Variants in MAF observed in about 807,000 individuals in gnomAD.
The protein encoded by MAF is MAF bZIP transcription factor, also known as transcription factor Maf.
A neutral mutation model predicts 22.0 loss-of-function variants in MAF; 10 were observed. The observed-to-expected ratio is 0.45, with a 90% CI of 0.28 to 0.77. The LOEUF is 0.77. Among genes scored for constraint, MAF ranks in the 30% least tolerant of loss-of-function variants. The pLI, the probability that MAF is intolerant of heterozygous loss-of-function variation, is 0.12. For missense variants in MAF, 544 were observed against 548.4 expected (o/e 0.99, Z 0.08); for synonymous variants, 337 against 255.8 (o/e 1.32, Z -3.03).
chr16:79,267,027 T>C, the MAF span, among the ~76,000 whole-genome samples: 1 of 152,250 alleles, frequency 6.6e-6, no homozygotes, highest in Non-Finnish European at 1.5e-5. Context: ...AGTTATTTAC[T>C]AGTCTGTCTC....
At chr16:79,541,866 G>GT in the MAF span, among the ~76,000 whole-genome samples, 1 of 151,940 alleles carries the variant, frequency 6.6e-6, no homozygotes, top group Non-Finnish European at 1.5e-5. Flanking sequence ...ATGTTGGCCA[G>GT]ACTGGCCTTG....
At chr16:79,481,888 A>C in the MAF span, among the ~76,000 whole-genome samples, 4 of 152,332 alleles carry the variant, frequency 2.6e-5, no homozygotes, top group East Asian at 7.7e-4. Flanking sequence ...CTTCAACAGC[A>C]CATAAGAAAG....
the MAF span, among the ~76,000 whole-genome samples, chr16:79,546,351 G>A: frequency 6.6e-6 from 1 of 152,000 alleles, no homozygotes; most frequent in Non-Finnish European, 1.5e-5. Context: ...ACTAGTTTTA[G>A]GGAATAAACT....
the MAF span, among the ~76,000 whole-genome samples, chr16:79,397,933 C>T: frequency 1.3e-5 from 2 of 152,190 alleles, no homozygotes; most frequent in African/African-American, 4.8e-5. Flanking sequence ...TTTTCTATTG[C>T]TGCTGTGATA....
At chr16:79,589,368 T>C (rs1913050482), downstream of MAF, among the ~76,000 whole-genome samples, 2 of 152,242 alleles carry the variant, frequency 1.3e-5, no homozygotes, top group South Asian at 4.1e-4. Flanking sequence ...TGCATCAAAC[T>C]ACACCACGGA....
the MAF span, among the ~76,000 whole-genome samples, chr16:79,284,198 C>T: frequency 1.3e-5 from 2 of 152,180 alleles, no homozygotes; most frequent in African/African-American, 4.8e-5. Flanking sequence ...CAAGCTATGG[C>T]AAACCACCTC....
At chr16:79,210,808 A>T in the MAF span, among the ~76,000 whole-genome samples, 2 of 152,128 alleles carry the variant, frequency 1.3e-5, no homozygotes, top group Non-Finnish European at 2.9e-5. Context: ...TCATCACTGC[A>T]CACGTCCCTA....
chr16:79,466,064 G>A, the MAF span, among the ~76,000 whole-genome samples: 17 of 152,220 alleles, frequency 1.1e-4, no homozygotes, highest in Non-Finnish European at 2.1e-4. Context: ...TTCAAGCTTA[G>A]AAGATAAAGT....
chr16:79,579,174 T>C, the MAF span, among the ~76,000 whole-genome samples: 1 of 152,188 alleles, frequency 6.6e-6, no homozygotes, highest in African/African-American at 2.4e-5. Context: ...TCTGACTCTT[T>C]GATGCAAAAA....
At chr16:79,423,854 A>G in the MAF span, among the ~76,000 whole-genome samples, 4 of 152,202 alleles carry the variant, frequency 2.6e-5, no homozygotes, top group Non-Finnish European at 5.9e-5. Context: ...ATATTCAATC[A>G]AAAATTAAAT....
the MAF span, among the ~76,000 whole-genome samples, chr16:79,467,411 G>C: frequency 1.3e-5 from 2 of 152,184 alleles, no homozygotes; most frequent in Non-Finnish European, 2.9e-5. Flanking sequence ...TGTATATCAG[G>C]TACTGTGCTG....
chr16:79,594,890 T>G (rs1443246157), intron 1 of MAF: 1 of 1,205,200 alleles, frequency 8.3e-7, no homozygotes, highest in African/African-American at 1.5e-5. Context: ...CCAAACCTGC[T>G]TATTATATTC....
chr16:79,533,329 C>T, the MAF span, among the ~76,000 whole-genome samples: 4 of 152,130 alleles, frequency 2.6e-5, no homozygotes, highest in African/African-American at 9.7e-5. Context: ...AAGAGGTTTC[C>T]ACCCACCCCA....
At chr16:79,387,179 C>G in the MAF span, among the ~76,000 whole-genome samples, 9 of 152,206 alleles carry the variant, frequency 5.9e-5, no homozygotes, top group African/African-American at 2.2e-4. Context: ...AGAACGCTCT[C>G]TCTTTTCTAT....
the MAF span, among the ~76,000 whole-genome samples, chr16:79,575,639 G>A: frequency 6.6e-6 from 1 of 152,196 alleles, no homozygotes; most frequent in South Asian, 2.1e-4. Context: ...AGGCCTGCCT[G>A]CTTTCTGGAG....
chr16:79,394,016 G>T, the MAF span, among the ~76,000 whole-genome samples: 1 of 152,160 alleles, frequency 6.6e-6, no homozygotes, highest in East Asian at 1.9e-4. Flanking sequence ...GTTTTGCAAA[G>T]CACCCTATTT....
At chr16:79,515,935 T>C in the MAF span, 1 of 150,618 alleles carries the variant, frequency 6.6e-6, no homozygotes, top group East Asian at 2.0e-4. Flanking sequence ...CTGCACATGT[T>C]ACTTGGACAA....
the MAF span, chr16:79,211,647 C>G: frequency 1.2e-6 from 2 of 1,614,206 alleles, no homozygotes; most frequent in Non-Finnish European, 8.5e-7. Context: ...TGCTGCTGTC[C>G]CAGAACTGGA....
chr16:79,385,695 G>C, the MAF span, among the ~76,000 whole-genome samples: 3 of 152,092 alleles, frequency 2.0e-5, no homozygotes, highest in African/African-American at 7.2e-5. Flanking sequence ...AAGGTCAGGA[G>C]TTCAAGATGA....
Sources: gnomAD v4.1 joint callset for allele counts (sites outside exome capture counted in the v4.1 genomes callset) on GRCh38, gnomAD v4.1.1 for gene constraint, MANE v1.5 for transcripts, NCBI Gene and HGNC (gene_info 2026-07-23, HGNC 2026-07-21) for gene names.